Variants in ST18 observed in about 807,000 individuals in gnomAD.
ST18 encodes the protein suppression of tumorigenicity 18 protein.
In ST18, 50 loss-of-function variants were observed where a neutral mutation model predicts 110.0. The ratio of observed to expected loss-of-function variants is 0.45; its 90% confidence interval spans 0.36 to 0.58. The LOEUF is 0.58. Among genes scored for constraint, ST18 ranks in the 20% least tolerant of loss-of-function variants. The pLI, the probability that ST18 is intolerant of heterozygous loss-of-function variation, is 0.00. For synonymous variants in ST18, 461 were observed against 452.4 expected, an observed-to-expected ratio of 1.02 and a Z score of -0.24; for missense variants, 1,306 against 1,280.1, an observed-to-expected ratio of 1.02 and a Z score of -0.31.
At chr8:52,408,952 TAGAA>T (rs1351830861) in intron 2 of ST18, 4 of 152,232 alleles carry the variant, frequency 2.6e-5, no homozygotes, top group African/African-American at 9.6e-5. Context: ...AAATCCTAAA[TAGAA>T]AGTGAGTCAG....
At chr8:52,323,460 C>G (rs553221594) in intron 2 of ST18, among the ~76,000 whole-genome samples, 2 of 150,110 alleles carry the variant, frequency 1.3e-5, no homozygotes, top group Non-Finnish European at 2.9e-5. Flanking sequence ...TGGTGTCCAG[C>G]GTGCTGGGAT....
intron 2 of ST18, chr8:52,403,957 G>C (rs544941345): frequency 6.6e-5 from 10 of 152,160 alleles, no homozygotes; most frequent in Non-Finnish European, 1.5e-4. Flanking sequence ...GATGGAAAGG[G>C]CTTCTGGTCT....
intron 2 of ST18, among the ~76,000 whole-genome samples, chr8:52,400,737 TTTG>T (rs1842595834): frequency 6.6e-6 from 1 of 152,150 alleles, no homozygotes; most frequent in South Asian, 2.1e-4. Context: ...AATTTATGTT[TTTG>T]TTGTCACAAT....
intron 2 of ST18, among the ~76,000 whole-genome samples, chr8:52,322,889 T>G (rs555568136): frequency 8.9e-4 from 135 of 152,330 alleles, no homozygotes; most frequent in Middle Eastern, 3.4e-3. Context: ...GGTGTGTTAT[T>G]GAACACTTTG....
chr8:52,316,060 G>A (rs370225388), intron 2 of ST18, among the ~76,000 whole-genome samples: 13 of 152,136 alleles, frequency 8.5e-5, no homozygotes, highest in African/African-American at 3.1e-4. Context: ...TAGGTGAAAG[G>A]TATCAATTGT....
intron 2 of ST18, among the ~76,000 whole-genome samples, chr8:52,234,128 G>T (rs1351479732): frequency 6.6e-6 from 1 of 152,184 alleles, no homozygotes; most frequent in Non-Finnish European, 1.5e-5. Context: ...AAAAGCATGT[G>T]CAGGCATTTC....
chr8:52,248,108 C>T (rs2093999309), intron 2 of ST18, among the ~76,000 whole-genome samples: 1 of 152,108 alleles, frequency 6.6e-6, no homozygotes, highest in African/African-American at 2.4e-5. Context: ...CTCTGATCAT[C>T]CAGACCATAT....
At chr8:52,275,619 T>C (rs983008303) in intron 2 of ST18, among the ~76,000 whole-genome samples, 1 of 152,222 alleles carries the variant, frequency 6.6e-6, no homozygotes, top group African/African-American at 2.4e-5. Flanking sequence ...GCTATGGTTT[T>C]TAGAAACTAA....
intron 2 of ST18, among the ~76,000 whole-genome samples, chr8:52,329,219 A>ATGTG (rs71252933): frequency 4.6e-4 from 60 of 131,728 alleles, no homozygotes; most frequent in Non-Finnish European, 7.0e-4. Flanking sequence ...GCATGTATTT[A>ATGTG]TGTGTGTGTG....
At chr8:52,365,697 G>A (rs776616601) in intron 2 of ST18, among the ~76,000 whole-genome samples, 126 of 151,548 alleles carry the variant, frequency 8.3e-4, no homozygotes, top group Non-Finnish European at 1.1e-3. Context: ...TTTTGGGTTT[G>A]GGGGGTGGGG....
chr8:52,344,055 G>C (rs1412950976), intron 2 of ST18, among the ~76,000 whole-genome samples: 1 of 152,116 alleles, frequency 6.6e-6, no homozygotes, highest in Non-Finnish European at 1.5e-5. Flanking sequence ...TATAATAGCT[G>C]TGTCATCATT....
At chr8:52,351,948 G>A (rs961290518) in intron 2 of ST18, among the ~76,000 whole-genome samples, 1 of 152,158 alleles carries the variant, frequency 6.6e-6, no homozygotes, top group African/African-American at 2.4e-5. Context: ...TTAAACACTG[G>A]AATCAATTTT....
chr8:52,198,920 A>G (rs1229964241), intron 8 of ST18, among the ~76,000 whole-genome samples: 1 of 152,030 alleles, frequency 6.6e-6, no homozygotes, highest in Non-Finnish European at 1.5e-5. Context: ...ACACTTCCCC[A>G]GGCCCACCTC....
chr8:52,371,213 C>T (rs2360791), intron 2 of ST18, among the ~76,000 whole-genome samples: 121,165 of 151,854 alleles, frequency 0.8, 50,857 homozygotes, highest in Non-Finnish European at 0.92. Context: ...CGACTCTTAG[C>T]TTTCTAGGTA....
chr8:52,329,475 C>A (rs998793483), intron 2 of ST18, among the ~76,000 whole-genome samples: 1 of 152,130 alleles, frequency 6.6e-6, no homozygotes, highest in Admixed American at 6.5e-5. Flanking sequence ...AACCAGGAGG[C>A]CAGGCATGGT....
intron 8 of ST18, among the ~76,000 whole-genome samples, chr8:52,196,018 T>C (rs889348808): frequency 4.6e-5 from 7 of 152,212 alleles, no homozygotes; most frequent in African/African-American, 1.4e-4. Flanking sequence ...ATTTAGTATT[T>C]CATCTAATTT....
intron 2 of ST18, among the ~76,000 whole-genome samples, chr8:52,358,799 C>T (rs1824329367): frequency 6.6e-6 from 1 of 151,390 alleles, no homozygotes; most frequent in Non-Finnish European, 1.5e-5. Flanking sequence ...AAGAATTAAC[C>T]CCAAATTCTT....
intron 2 of ST18, among the ~76,000 whole-genome samples, chr8:52,328,309 T>G (rs1807444602): frequency 6.6e-6 from 1 of 152,208 alleles, no homozygotes; most frequent in African/African-American, 2.4e-5. Flanking sequence ...ACTTGCTATA[T>G]GTAAAATGAC....
intron 8 of ST18, among the ~76,000 whole-genome samples, chr8:52,187,698 G>C (rs527920820): frequency 6.6e-6 from 1 of 152,296 alleles, no homozygotes; most frequent in South Asian, 2.1e-4. Flanking sequence ...TCTAAGATGA[G>C]CTGTGATTAA....
Sources: allele counts gnomAD v4.1 joint callset (sites outside exome capture counted in the v4.1 genomes callset), GRCh38; gene constraint gnomAD v4.1.1; transcripts MANE v1.5; gene names NCBI Gene and HGNC (gene_info 2026-07-23, HGNC 2026-07-21).